HNF4G: variants seen among roughly 807,000 people sequenced by gnomAD.
HNF4G encodes hepatocyte nuclear factor 4-gamma.
Under a neutral mutation model 50.9 loss-of-function variants are expected in HNF4G, and 21 were observed. The observed-to-expected ratio is 0.41, with a 90% CI of 0.29 to 0.59. The LOEUF (loss-of-function observed/expected upper bound fraction) is 0.59. HNF4G is among the 20% of genes least tolerant of loss of function. The pLI is 0.26. For missense variants in HNF4G, 527 were observed against 559.4 expected (o/e 0.94, Z 0.58); for synonymous variants, 198 against 185.6 (o/e 1.07, Z -0.54).
At chr8:75,454,590 C>T (rs1313818306) in intron 1 of HNF4G, among the ~76,000 whole-genome samples, 1 of 152,150 alleles carries the variant, frequency 6.6e-6, no homozygotes, top group Non-Finnish European at 1.5e-5. Context: ...GAGCTTGTTG[C>T]TGTGTCAGGC....
intron 1 of HNF4G, among the ~76,000 whole-genome samples, chr8:75,444,367 CAACT>C (rs1811369174): frequency 1.3e-5 from 2 of 151,626 alleles, no homozygotes; most frequent in African/African-American, 4.8e-5. Context: ...GAAACTGCAT[CAACT>C]AACCAGCAAA....
At chr8:75,521,160 A>G (rs1806030184) in intron 2 of HNF4G, among the ~76,000 whole-genome samples, 1 of 152,216 alleles carries the variant, frequency 6.6e-6, no homozygotes, top group African/African-American at 2.4e-5. Flanking sequence ...AACAACATGT[A>G]TTTGGAGATT....
intron 2 of HNF4G, among the ~76,000 whole-genome samples, chr8:75,524,370 GCTCATCTT>G (rs1214134191): frequency 6.6e-6 from 1 of 152,122 alleles, no homozygotes; most frequent in Non-Finnish European, 1.5e-5. Flanking sequence ...GTGTGCCCAA[GCTCATCTT>G]CCTTAGAAAG....
chr8:75,553,465 G>A (rs150473456), intron 5 of HNF4G, among the ~76,000 whole-genome samples: 22 of 152,180 alleles, frequency 1.4e-4, no homozygotes, highest in Non-Finnish European at 2.8e-4. Context: ...ATTTTAAAAG[G>A]GTCATGTGAG....
At chr8:75,473,716 G>T (rs1447235830) in intron 1 of HNF4G, among the ~76,000 whole-genome samples, 4 of 152,130 alleles carry the variant, frequency 2.6e-5, no homozygotes, top group Non-Finnish European at 5.9e-5. Context: ...AAACTTTCAG[G>T]AGTGATTCAC....
intron 1 of HNF4G, among the ~76,000 whole-genome samples, chr8:75,412,648 G>A (rs879323560): frequency 5.9e-5 from 9 of 151,974 alleles, no homozygotes; most frequent in Admixed American, 2.0e-4. Context: ...CTTTGTTCCC[G>A]TGGGCTTATG....
At chr8:75,437,358 A>G (rs943889378) in intron 1 of HNF4G, among the ~76,000 whole-genome samples, 1 of 152,204 alleles carries the variant, frequency 6.6e-6, no homozygotes, top group Non-Finnish European at 1.5e-5. Flanking sequence ...TGTCAGCATT[A>G]GTGAGCAACA....
intron 2 of HNF4G, among the ~76,000 whole-genome samples, chr8:75,515,142 AC>A: frequency 6.6e-6 from 1 of 152,296 alleles, no homozygotes; most frequent in African/African-American, 2.4e-5. Context: ...CTAGTTAAGC[AC>A]CCAGAATTCA....
chr8:75,529,213 C>G (rs1029099764), intron 2 of HNF4G, among the ~76,000 whole-genome samples: 2 of 152,054 alleles, frequency 1.3e-5, no homozygotes, highest in Non-Finnish European at 2.9e-5. Flanking sequence ...ATGGCGTGAA[C>G]CCGGCAGGCG....
At chr8:75,457,438 T>C (rs971681911) in intron 1 of HNF4G, among the ~76,000 whole-genome samples, 2 of 152,180 alleles carry the variant, frequency 1.3e-5, no homozygotes, top group Non-Finnish European at 2.9e-5. Context: ...TCTATACACC[T>C]CTGAGATAAA....
chr8:75,499,144 A>G (rs1812858331), intron 2 of HNF4G, among the ~76,000 whole-genome samples: 1 of 152,138 alleles, frequency 6.6e-6, no homozygotes, highest in Non-Finnish European at 1.5e-5. Flanking sequence ...GAAATCCCTC[A>G]GTAGCTATTC....
At chr8:75,471,605 C>A (rs1812115714) in intron 1 of HNF4G, among the ~76,000 whole-genome samples, 1 of 152,142 alleles carries the variant, frequency 6.6e-6, no homozygotes, top group Non-Finnish European at 1.5e-5. Context: ...TGCCTCCTTC[C>A]TTCTTATTAA....
chr8:75,462,654 GA>G (rs887984531), intron 1 of HNF4G, among the ~76,000 whole-genome samples: 3 of 152,138 alleles, frequency 2.0e-5, no homozygotes, highest in Non-Finnish European at 2.9e-5. Context: ...ATTTAGTAGA[GA>G]AAAAATACAA....
At chr8:75,411,584 CTTTTA>C (rs903053718) in intron 1 of HNF4G, among the ~76,000 whole-genome samples, 6 of 152,068 alleles carry the variant, frequency 3.9e-5, no homozygotes, top group African/African-American at 1.4e-4. Flanking sequence ...CCCTGAAAAC[CTTTTA>C]TTTTATCAAG....
At chr8:75,563,581 T>G (rs914002076) in intron 9 of HNF4G, among the ~76,000 whole-genome samples, 2 of 152,138 alleles carry the variant, frequency 1.3e-5, no homozygotes, top group African/African-American at 4.8e-5. Context: ...TTTATGTGAA[T>G]TTTGATTATA....
intron 1 of HNF4G, among the ~76,000 whole-genome samples, chr8:75,489,119 C>T (rs897844841): frequency 1.9e-4 from 29 of 152,122 alleles, no homozygotes; most frequent in African/African-American, 7.0e-4. Flanking sequence ...TTTGTTGGAG[C>T]CACGCATATA....
chr8:75,456,243 GAAAC>G (rs757548204), intron 1 of HNF4G, among the ~76,000 whole-genome samples: 19 of 152,066 alleles, frequency 1.2e-4, no homozygotes, highest in Non-Finnish European at 2.2e-4. Context: ...TATGAATGAA[GAAAC>G]AAACAGAAAA....
chr8:75,528,173 G>C (rs907933100), intron 2 of HNF4G, among the ~76,000 whole-genome samples: 1 of 152,174 alleles, frequency 6.6e-6, no homozygotes, highest in Non-Finnish European at 1.5e-5. Context: ...TAGAAAATGA[G>C]GGCAAGTCCA....
chr8:75,509,735 G>A (rs1219494077), intron 2 of HNF4G, among the ~76,000 whole-genome samples: 1 of 152,118 alleles, frequency 6.6e-6, no homozygotes. Context: ...GGTTAATGAT[G>A]TCATAGCTGT....
Sources: allele counts gnomAD v4.1 joint callset (sites outside exome capture counted in the v4.1 genomes callset), GRCh38; gene constraint gnomAD v4.1.1; transcripts MANE v1.5; gene names NCBI Gene and HGNC (gene_info 2026-07-23, HGNC 2026-07-21).